The following WDR62 variants were observed in gnomAD, a reference collection of about 807,000 sequenced individuals.
The protein encoded by WDR62 is WD repeat-containing protein 62.
In WDR62, 112 loss-of-function variants were observed where a neutral mutation model predicts 160.6. That is an observed-to-expected ratio of 0.70 (90% CI 0.60 to 0.82). WDR62 has a LOEUF of 0.82. Ranked by LOEUF, WDR62 falls within the 40% of genes least tolerant of loss-of-function variation. WDR62 has a pLI of 0.00. For synonymous variants in WDR62, 792 were observed against 815.1 expected (o/e 0.97, Z 0.48); for missense variants, 1,819 against 1,983.8 (o/e 0.92, Z 1.58).
intron 1 of WDR62, among the ~76,000 whole-genome samples, chr19:36,057,551 G>T (rs1970432644): frequency 6.7e-6 from 1 of 149,956 alleles, no homozygotes; most frequent in East Asian, 2.0e-4. Context: ...GTCTCACTCT[G>T]TCGCCCAGGA....
chr19:36,107,538 G>GA (rs1347405099), downstream of WDR62, among the ~76,000 whole-genome samples: 4 of 152,018 alleles, frequency 2.6e-5, no homozygotes, highest in Admixed American at 2.6e-4. Flanking sequence ...CAAAGGCACA[G>GA]AGCAGGGCAC....
chr19:36,071,348 T>C (rs1971287000), intron 7 of WDR62, among the ~76,000 whole-genome samples: 1 of 152,232 alleles, frequency 6.6e-6, no homozygotes, highest in Non-Finnish European at 1.5e-5. Context: ...CGTTCATGCC[T>C]CTGCCTACCT....
At chr19:36,104,725 G>A (rs371995274) in intron 31 of WDR62, 43 bp from the exon 32 acceptor site, 20 of 1,613,742 alleles carry the variant, frequency 1.2e-5, no homozygotes, top group East Asian at 2.2e-5. Flanking sequence ...TCTTGAGACC[G>A]CCCGGCCTTG....
At chr19:36,068,946 C>G (rs1032899718) in intron 7 of WDR62, among the ~76,000 whole-genome samples, 1 of 149,898 alleles carries the variant, frequency 6.7e-6, no homozygotes, top group African/African-American at 2.4e-5. Flanking sequence ...GCAGAGGCAC[C>G]CCCCATCTCC....
intron 2 of WDR62, among the ~76,000 whole-genome samples, chr19:36,059,628 T>C (rs1317015108): frequency 6.6e-6 from 1 of 152,102 alleles, no homozygotes; most frequent in African/African-American, 2.4e-5. Context: ...GGAGATGAGA[T>C]CTCACTCTGT....
intron 9 of WDR62, among the ~76,000 whole-genome samples, chr19:36,079,243 A>G (rs10420345): frequency 0.69 from 105,475 of 151,924 alleles, 37,746 homozygotes; most frequent in African/African-American, 0.87. Flanking sequence ...TACCATGCCC[A>G]GCTAATTTTT....
chr19:36,062,726 A>G (rs979071807), intron 3 of WDR62: 1 of 151,928 alleles, frequency 6.6e-6, no homozygotes, highest in African/African-American at 2.4e-5. Flanking sequence ...AAAAATGACA[A>G]TCTTTTTAAA....
chr19:36,076,750 C>T (rs572755017), intron 9 of WDR62, among the ~76,000 whole-genome samples: 2 of 152,008 alleles, frequency 1.3e-5, no homozygotes, highest in Non-Finnish European at 2.9e-5. Flanking sequence ...CTTTTTCCCA[C>T]ATTATACATG....
chr19:36,101,412 C>T, intron 24 of WDR62, 95 bp downstream of exon 24: 1 of 1,150,180 alleles, frequency 8.7e-7, no homozygotes, highest in South Asian at 1.3e-5. Flanking sequence ...AGTACTGAAG[C>T]TCAGAGTCTG....
intron 9 of WDR62, among the ~76,000 whole-genome samples, chr19:36,077,146 A>G (rs1295080929): frequency 6.6e-6 from 1 of 151,868 alleles, no homozygotes; most frequent in Non-Finnish European, 1.5e-5. Flanking sequence ...AAAATCCTGT[A>G]TCTGTTAAGC....
chr19:36,063,503 G>A (rs1005680504), intron 3 of WDR62, among the ~76,000 whole-genome samples: 9 of 151,970 alleles, frequency 5.9e-5, no homozygotes, highest in East Asian at 1.9e-4. Flanking sequence ...CACCCGCCTC[G>A]GCCTCCCAAA....
At chr19:36,098,193 C>T (rs567324305) in intron 21 of WDR62, among the ~76,000 whole-genome samples, 99 of 152,054 alleles carry the variant, frequency 6.5e-4, no homozygotes, top group Middle Eastern at 6.8e-3. Context: ...CACTTCAGCC[C>T]AGGAGTTGGA....
intron 7 of WDR62, chr19:36,070,762 C>G (rs1460832043): frequency 6.6e-6 from 1 of 152,182 alleles, no homozygotes; most frequent in African/African-American, 2.4e-5. Flanking sequence ...TAAATTAAGT[C>G]CCTGTAGATT....
chr19:36,078,113 G>A (rs570458676), intron 9 of WDR62, among the ~76,000 whole-genome samples: 2 of 151,378 alleles, frequency 1.3e-5, no homozygotes, highest in East Asian at 1.9e-4. Context: ...TGGCTGTTGC[G>A]AATACCACTG....
chr19:36,067,569 C>T, intron 6 of WDR62, 126 bp downstream of exon 6: 1 of 1,393,528 alleles, frequency 7.2e-7, no homozygotes, highest in East Asian at 2.3e-5. Context: ...CTCAGGGGCC[C>T]AGCTGCTGCT....
rs781278130 is a variant in WDR62 at position 36,071,652 on chromosome 19, T to C, written c.979T>C (p.Tyr327His). 3.8e-5 allele frequency: 61 copies of C among 1,614,126 alleles called. No homozygotes were observed. The Admixed American group carries it at 9.5e-4, about 25-fold the overall frequency. The change falls in exon 8 of 32, where the codon TAC becomes CAC. Residue 327 changes from tyrosine (Y) to histidine (H), a missense_variant. This residue lies in a region of WDR62 where 934 missense variants were observed against 1,157.2 expected (regional missense o/e 0.81). Transcript: ENST00000401500. ...VRIFQAHSLHYLANLPKPHYL... is the reference protein window; with the variant it reads ...VRIFQAHSLHHLANLPKPHYL... ...CATCTTCCAGGCCCATAGCCTGCAC[T>C]ACCTCGCCAACCTGCCCAAGCCACA...
At chr19:36,057,068 G>A (rs1475557829) in intron 1 of WDR62, among the ~76,000 whole-genome samples, 1 of 152,114 alleles carries the variant, frequency 6.6e-6, no homozygotes, top group East Asian at 1.9e-4. Context: ...GCCTGCCTCG[G>A]CCTCCCAAAG....
intron 15 of WDR62, 128 bp from the exon 16 acceptor site, chr19:36,090,317 T>C (rs1264314317): frequency 2.4e-6 from 2 of 841,724 alleles, no homozygotes; most frequent in Non-Finnish European, 4.1e-6. Context: ...TCAGTTTCAG[T>C]CTAGGCATCA....
chr19:36,094,727 A>C (rs975187347), intron 20 of WDR62, among the ~76,000 whole-genome samples: 1 of 150,484 alleles, frequency 6.6e-6, no homozygotes, highest in Non-Finnish European at 1.5e-5. Flanking sequence ...CCATCTATGC[A>C]AAAAAAAAAT....
Sources: allele counts gnomAD v4.1 joint callset (sites outside exome capture counted in the v4.1 genomes callset), GRCh38; gene constraint gnomAD v4.1.1; regional missense constraint gnomAD v4.1.1; transcripts MANE v1.5; gene names NCBI Gene and HGNC (gene_info 2026-07-23, HGNC 2026-07-21).